The following NAA11 variants were observed in gnomAD, a reference collection of about 807,000 sequenced individuals.
The protein encoded by NAA11 is N-alpha-acetyltransferase 11, NatA catalytic subunit, also known as N-alpha-acetyltransferase 11.
Under a neutral mutation model 16.1 loss-of-function variants are expected in NAA11, and 15 were observed. The ratio of observed to expected loss-of-function variants is 0.93; its 90% CI spans 0.62 to 1.44. The LOEUF (loss-of-function observed/expected upper bound fraction) is 1.44, where lower values mean the gene tolerates loss of function less well. Among genes scored for constraint, NAA11 ranks in the 40% most tolerant of loss-of-function variants. The pLI, the probability that NAA11 is intolerant of heterozygous loss-of-function variation, is 0.00. For missense variants in NAA11, 298 were observed against 291.3 expected, an observed-to-expected ratio of 1.02 and a Z score of -0.17; for synonymous variants, 122 against 112.4, an observed-to-expected ratio of 1.09 and a Z score of -0.54.
the NAA11 span, among the ~76,000 whole-genome samples, chr4:79,157,681 A>G: frequency 6.6e-6 from 1 of 151,982 alleles, no homozygotes; most frequent in Non-Finnish European, 1.5e-5. Flanking sequence ...TCGAGCTAAT[A>G]AAAGCCAGCT....
intron 2 of NAA11, among the ~76,000 whole-genome samples, chr4:79,266,915 T>C (rs1318782779): frequency 6.6e-6 from 1 of 152,230 alleles, no homozygotes; most frequent in East Asian, 1.9e-4. Context: ...GAGTAAGGTC[T>C]TTTTAAATAA....
downstream of NAA11, among the ~76,000 whole-genome samples, chr4:79,314,189 T>C (rs1212197904): frequency 6.6e-6 from 1 of 152,158 alleles, no homozygotes; most frequent in Non-Finnish European, 1.5e-5. Flanking sequence ...TACAAATTAT[T>C]TTTAGAACAG....
chr4:79,212,824 G>T, the NAA11 span, among the ~76,000 whole-genome samples: 1 of 151,712 alleles, frequency 6.6e-6, no homozygotes, highest in Non-Finnish European at 1.5e-5. Flanking sequence ...TATATAAAGG[G>T]TTCAGTACTC....
intron 2 of NAA11, among the ~76,000 whole-genome samples, chr4:79,237,840 G>A (rs531268144): frequency 2.6e-5 from 4 of 152,264 alleles, no homozygotes; most frequent in Admixed American, 6.5e-5. Flanking sequence ...ATGTGATCCC[G>A]TAATTTGTAT....
chr4:79,278,227 AATCTGTT>A (rs1316584484), intron 2 of NAA11, among the ~76,000 whole-genome samples: 1 of 152,202 alleles, frequency 6.6e-6, no homozygotes, highest in Admixed American at 6.5e-5. Flanking sequence ...CTCTAATTGA[AATCTGTT>A]ACCTGATCTT....
the NAA11 span, among the ~76,000 whole-genome samples, chr4:79,204,928 T>TACACACACACACACACAC: frequency 2.2e-4 from 32 of 147,908 alleles, 1 homozygote; most frequent in Admixed American, 1.4e-3. Flanking sequence ...ATGGTGTGTA[T>TACACACACACACACACAC]ACACACACAC....
chr4:79,255,750 A>G (rs1248099684), intron 2 of NAA11, among the ~76,000 whole-genome samples: 1 of 152,204 alleles, frequency 6.6e-6, no homozygotes, highest in Non-Finnish European at 1.5e-5. Flanking sequence ...AAGCAGCTTT[A>G]TTGAAGAGAC....
chr4:79,173,721 G>A, the NAA11 span, among the ~76,000 whole-genome samples: 1 of 152,222 alleles, frequency 6.6e-6, no homozygotes, highest in East Asian at 1.9e-4. Flanking sequence ...AGGAAGCATG[G>A]CCAAGGCAAA....
At chr4:79,227,877 T>A (rs6853034) in intron 2 of NAA11, 106,629 of 151,970 alleles carry the variant, frequency 0.7, 40,039 homozygotes, top group East Asian at 0.89. Flanking sequence ...ATCATGCATT[T>A]GGCTCATTGA....
At chr4:79,168,655 C>T in the NAA11 span, among the ~76,000 whole-genome samples, 6 of 152,136 alleles carry the variant, frequency 3.9e-5, no homozygotes, top group African/African-American at 1.4e-4. Context: ...GTTTATTTAC[C>T]ACATAAATGT....
At chr4:79,287,293 G>T (rs1560449800) in intron 2 of NAA11, among the ~76,000 whole-genome samples, 1 of 151,978 alleles carries the variant, frequency 6.6e-6, no homozygotes, top group African/African-American at 2.4e-5. Context: ...AACATCTATG[G>T]ACTCATTAGT....
downstream of NAA11, among the ~76,000 whole-genome samples, chr4:79,316,363 T>C (rs898425338): frequency 2.6e-5 from 4 of 152,176 alleles, no homozygotes; most frequent in African/African-American, 9.7e-5. Flanking sequence ...GCACAAGAAA[T>C]GGCAAATCCT....
chr4:79,222,777 T>G (rs1403002666), downstream of NAA11, among the ~76,000 whole-genome samples: 2 of 151,414 alleles, frequency 1.3e-5, no homozygotes, highest in East Asian at 1.9e-4. Flanking sequence ...GAATCTACAA[T>G]GAACTCAAAC....
At chr4:79,180,712 C>T in the NAA11 span, among the ~76,000 whole-genome samples, 1 of 151,756 alleles carries the variant, frequency 6.6e-6, no homozygotes, top group Non-Finnish European at 1.5e-5. Context: ...CCATTTGACC[C>T]AGCCATCCCA....
the NAA11 span, among the ~76,000 whole-genome samples, chr4:79,178,311 C>A: frequency 6.6e-6 from 1 of 152,102 alleles, no homozygotes; most frequent in Non-Finnish European, 1.5e-5. Context: ...TTAATAATTG[C>A]GTGCTCTGGG....
the NAA11 span, among the ~76,000 whole-genome samples, chr4:79,200,282 G>A: frequency 3.0e-3 from 463 of 151,914 alleles, 5 homozygotes; most frequent in African/African-American, 0.01. Context: ...AAGAATACTT[G>A]ACACATAGTA....
the NAA11 span, among the ~76,000 whole-genome samples, chr4:79,207,215 G>A: frequency 6.6e-6 from 1 of 151,816 alleles, no homozygotes; most frequent in African/African-American, 2.4e-5. Context: ...GATTGCTCTG[G>A]CTAGGACTTT....
At chr4:79,212,832 C>T in the NAA11 span, among the ~76,000 whole-genome samples, 12 of 151,942 alleles carry the variant, frequency 7.9e-5, 1 homozygote, top group African/African-American at 2.4e-4. Context: ...GGGTTCAGTA[C>T]TCTTCACAGT....
chr4:79,312,646 C>CAAAAAAAAAAAAAAA (rs544315352), downstream of NAA11, among the ~76,000 whole-genome samples: 2 of 69,448 alleles, frequency 2.9e-5, no homozygotes, highest in African/African-American at 1.2e-4. Flanking sequence ...GACTCCATCT[C>CAAAAAAAAAAAAAAA]AAAAAAAAAA....
Sources: gnomAD v4.1 joint callset for allele counts (sites outside exome capture counted in the v4.1 genomes callset) on GRCh38, gnomAD v4.1.1 for gene constraint, MANE v1.5 for transcripts, NCBI Gene and HGNC (gene_info 2026-07-23, HGNC 2026-07-21) for gene names.